Variants in ICAM2 observed in about 807,000 individuals in gnomAD.
The protein encoded by ICAM2 is intercellular adhesion molecule 2.
Under a neutral mutation model 19.1 loss-of-function variants are expected in ICAM2, and 14 were observed. The ratio of observed to expected loss-of-function variants is 0.73; its 90% CI spans 0.48 to 1.15. ICAM2 has a LOEUF of 1.15. Among genes scored for constraint, ICAM2 ranks in the 50% most tolerant of loss-of-function variants. The pLI is 0.00. For missense variants in ICAM2, 311 were observed against 355.4 expected (o/e 0.88, Z 1.00); for synonymous variants, 153 against 152.7 (o/e 1.00, Z -0.01).
At chr17:64,019,673 G>A (rs1001926629) in intron 1 of ICAM2, among the ~76,000 whole-genome samples, 4 of 151,910 alleles carry the variant, frequency 2.6e-5, no homozygotes, top group African/African-American at 9.7e-5. Context: ...AATTAGCTGG[G>A]CATGGTGGCA....
chr17:64,005,665 C>T (rs1911159009), intron 2 of ICAM2, among the ~76,000 whole-genome samples: 3 of 152,162 alleles, frequency 2.0e-5, no homozygotes, highest in African/African-American at 7.2e-5. Context: ...GATTAGTCTT[C>T]CTCAGGCTGT....
chr17:64,004,673 G>A (rs953806326), intron 3 of ICAM2: 2 of 271,530 alleles, frequency 7.4e-6, no homozygotes, highest in East Asian at 1.7e-4. Flanking sequence ...TGCAGGTGGA[G>A]TGTGATGGCC....
intron 1 of ICAM2, among the ~76,000 whole-genome samples, chr17:64,014,620 A>G (rs569076603): frequency 7.0e-6 from 1 of 143,642 alleles, no homozygotes; most frequent in South Asian, 2.3e-4. Context: ...AGGGAGGGAG[A>G]GAGAGAGAAA....
In ICAM2 at chr17:64,006,902, G is replaced by A. The variant is rs1308528674; in HGVS notation, c.-44-167C>T. Reference sequence around the variant, plus strand: ...CTAAGAATCCAGGCAGAGGAAGCTGGGAAGCTGCTGATAAGCAGGGCATAA... The same window carrying A: ...CTAAGAATCCAGGCAGAGGAAGCTGAGAAGCTGCTGATAAGCAGGGCATAA... On this transcript the variant is annotated intron_variant, in intron 1 of 4. Transcript: ENST00000579788. The A allele has an allele frequency of 5.1e-6, 3 of 593,558 alleles. No homozygotes were observed. The Admixed American group carries it at 9.0e-5, about 18-fold the overall frequency. The allele number at this position is 593,558 out of a possible 1,614,324, so 36.8% of individuals were successfully genotyped here.
chr17:64,014,124 C>T (rs1455476604), intron 1 of ICAM2, among the ~76,000 whole-genome samples: 7 of 151,748 alleles, frequency 4.6e-5, no homozygotes, highest in African/African-American at 1.7e-4. Context: ...AAAATTTCTG[C>T]GAGGCGCAAA....
intron 1 of ICAM2, among the ~76,000 whole-genome samples, chr17:64,011,496 A>T (rs1377757138): frequency 2.0e-5 from 3 of 152,188 alleles, no homozygotes; most frequent in Admixed American, 2.0e-4. Context: ...CAAGAGGTAT[A>T]TTAAGGAGTG....
Position 64,005,212 on chromosome 17 carries a change from A to G in ICAM2, c.223T>C (p.Trp75Arg), listed in dbSNP as rs745797703. ...ATGTTTGAGACCAAGTAATGTTTCC[A>G]CTGAGCCTGTTCGTCCAGCAGAATC... ...DKILLDEQAQWKHYLVSNISH... is the reference protein window; with the variant it reads ...DKILLDEQAQRKHYLVSNISH... Residue 75 changes from tryptophan (W) to arginine (R), a missense_variant, in exon 3 of 5, where the codon TGG becomes CGG. Transcript: ENST00000579788. 1.7e-5 allele frequency: 28 copies of G among 1,614,000 alleles called. No individual in the cohort carries two copies.
chr17:64,002,815 G>A lies in ICAM2; in HGVS notation c.760C>T (p.Gln254Ter). ...ACCCCGTAGGTGCCCATCCGCTGCTGGCGCAAGTGCTGGCCGAAGATGAAG... is the reference window on the plus strand; with the variant it reads ...ACCCCGTAGGTGCCCATCCGCTGCTAGCGCAAGTGCTGGCCGAAGATGAAG... Reference protein sequence around the residue: ...LCFIFGQHLRQQRMGTYGVRA... With the variant: ...LCFIFGQHLR Residue 254 changes from glutamine to a stop codon, truncating the protein, a stop_gained, in exon 5 of 5, where the codon CAG (glutamine) becomes TAG (stop). Transcript: ENST00000579788. LOFTEE classifies it low-confidence loss of function (END_TRUNC). The A allele has an allele frequency of 6.2e-7, 1 of 1,613,904 alleles. No individual in the cohort carries two copies. The highest frequency in any genetic ancestry group is 8.5e-7 in the Non-Finnish European group (1 of 1,180,006).
intron 3 of ICAM2, chr17:64,004,614 C>T (rs1004540442): frequency 5.8e-5 from 12 of 206,880 alleles, no homozygotes; most frequent in Non-Finnish European, 1.0e-4. Flanking sequence ...ATACCCTTAG[C>T]GCCAAGATGT....
chr17:64,017,270 C>T (rs1476979558), intron 1 of ICAM2, among the ~76,000 whole-genome samples: 1 of 152,030 alleles, frequency 6.6e-6, no homozygotes, highest in Non-Finnish European at 1.5e-5. Flanking sequence ...AGGCAACTAG[C>T]TAAAAGATCA....
At chr17:64,005,518 C>T in intron 2 of ICAM2, 145 bp from the exon 3 acceptor site, 2 of 923,514 alleles carry the variant, frequency 2.2e-6, no homozygotes, top group South Asian at 1.7e-5. Flanking sequence ...TTCCCCTTGT[C>T]AGGTGTCATG....
chr17:64,017,307 T>C (rs1438835882), intron 1 of ICAM2, among the ~76,000 whole-genome samples: 1 of 152,192 alleles, frequency 6.6e-6, no homozygotes, highest in Non-Finnish European at 1.5e-5. Context: ...TGTTCTTGTG[T>C]GTATCAGTAA....
chr17:64,014,715 AAGG>A (rs1911642623), intron 1 of ICAM2, among the ~76,000 whole-genome samples: 52 of 8,776 alleles, frequency 5.9e-3, no homozygotes, highest in African/African-American at 7.2e-3. Flanking sequence ...GGAAGGAAGG[AAGG>A]AAGGAAGAAA....
Position 64,005,329 on chromosome 17 carries a change from G to A in ICAM2, c.106C>T (p.Leu36=), listed in dbSNP as rs751113866. 1 of 1,614,124 alleles carries A rather than the reference G, an allele frequency of 6.2e-7. No individual in the cohort carries two copies. Among genetic ancestry groups the A allele is most frequent in the East Asian group, 2.2e-5 (1 of 44,878 alleles). Residue 36 remains leucine, a synonymous_variant, in exon 3 of 5, where the codon CTG becomes TTG. Transcript: ENST00000579788. ...VFEVHVRPKK[L]AVEPKGSLEV... is the part of the protein sequence containing the mutation. ...AGGGACCCTTTGGGCTCAACCGCCA[G>A]CTTCTTTGGCCTCACGTGTACCTCG...
At chr17:64,007,206 G>A (rs971780049) in intron 1 of ICAM2, among the ~76,000 whole-genome samples, 2 of 152,166 alleles carry the variant, frequency 1.3e-5, no homozygotes, top group East Asian at 1.9e-4. Flanking sequence ...CCTGCTAAAT[G>A]CCTGGTGCAA....
intron 4 of ICAM2, 112 bp downstream of exon 4, chr17:64,003,532 G>A (rs975552632): frequency 3.1e-6 from 3 of 956,246 alleles, no homozygotes; most frequent in African/African-American, 3.3e-5. Context: ...GCCTCAGGAT[G>A]AAGGGTGGGC....
intron 3 of ICAM2, chr17:64,004,455 A>G (rs908224838): frequency 3.5e-5 from 6 of 169,220 alleles, no homozygotes; most frequent in Non-Finnish European, 7.7e-5. Flanking sequence ...CACGTATTCA[A>G]CCACCCGAGG....
At chr17:64,018,847 G>A (rs770966464) in intron 1 of ICAM2, among the ~76,000 whole-genome samples, 4 of 147,594 alleles carry the variant, frequency 2.7e-5, no homozygotes, top group Non-Finnish European at 4.4e-5. Flanking sequence ...TCAGTCTCCC[G>A]AATAGCTGAA....
In ICAM2 at chr17:64,014,648, A is replaced by G. The variant is rs532864374; in HGVS notation, c.-45+5875T>C. Among the ~76,000 whole-genome samples, 63 of 149,312 alleles carry G rather than the reference A, an allele frequency of 4.2e-4. 1 individual carries two copies. In the South Asian group the frequency reaches 0.013, roughly 31 times the overall value. On this transcript the variant is annotated intron_variant, in intron 1 of 4. Transcript: ENST00000579788. ...GAGAGAAAGAAAGAAAGAGAGAGAG[A>G]GAAAGAAAGGAAGAAAGAGAGAAAG...
Sources: gnomAD v4.1 joint callset for allele counts (sites outside exome capture counted in the v4.1 genomes callset) on GRCh38, gnomAD v4.1.1 for gene constraint, MANE v1.5 for transcripts, NCBI Gene and HGNC (gene_info 2026-07-23, HGNC 2026-07-21) for gene names.